The following CSMD1 variants were observed in gnomAD, a reference collection of about 807,000 sequenced individuals.
CSMD1 encodes CUB and sushi domain-containing protein 1.
A neutral mutation model predicts 417.5 loss-of-function variants in CSMD1; 213 were observed. The observed-to-expected ratio is 0.51, with a 90% CI of 0.46 to 0.57. CSMD1 has a LOEUF of 0.57. CSMD1 is among the 20% of genes least tolerant of loss of function. The pLI is 0.00. For synonymous variants in CSMD1, 2,862 were observed against 1,736.8 expected, an observed-to-expected ratio of 1.65 and a Z score of -16.11; for missense variants, 6,923 against 4,529.7, an observed-to-expected ratio of 1.53 and a Z score of -15.17.
At chr8:3,320,178 G>T (rs938090265) in intron 23 of CSMD1, among the ~76,000 whole-genome samples, 2 of 152,170 alleles carry the variant, frequency 1.3e-5, no homozygotes, top group Non-Finnish European at 2.9e-5. Flanking sequence ...ACAAAATAAT[G>T]ACGATTATAA....
intron 10 of CSMD1, among the ~76,000 whole-genome samples, chr8:3,494,424 G>C (rs1796274346): frequency 6.6e-6 from 1 of 152,070 alleles, no homozygotes; most frequent in Non-Finnish European, 1.5e-5. Flanking sequence ...GGAAGAAAAA[G>C]TTAGGCTAGA....
At chr8:4,901,357 G>C (rs945617135) in intron 1 of CSMD1, among the ~76,000 whole-genome samples, 1 of 152,194 alleles carries the variant, frequency 6.6e-6, no homozygotes, top group Non-Finnish European at 1.5e-5. Flanking sequence ...TAGAAGTGTA[G>C]TTATCTATAG....
chr8:4,665,858 T>C (rs946598203), intron 1 of CSMD1, among the ~76,000 whole-genome samples: 2 of 152,222 alleles, frequency 1.3e-5, no homozygotes, highest in African/African-American at 2.4e-5. Flanking sequence ...TTCATTTATC[T>C]TGAGTAATTA....
At chr8:4,171,784 T>C (rs938562049) in intron 3 of CSMD1, among the ~76,000 whole-genome samples, 1 of 152,206 alleles carries the variant, frequency 6.6e-6, no homozygotes, top group East Asian at 1.9e-4. Flanking sequence ...CAATCCAATT[T>C]ACTTGAGTAA....
At chr8:4,819,901 G>T (rs1379269241) in intron 1 of CSMD1, among the ~76,000 whole-genome samples, 1 of 151,982 alleles carries the variant, frequency 6.6e-6, no homozygotes, top group Non-Finnish European at 1.5e-5. Flanking sequence ...GACTTTGGGG[G>T]TGGGGAGAAC....
At chr8:3,578,185 T>A (rs1412620784) in intron 9 of CSMD1, among the ~76,000 whole-genome samples, 6 of 152,208 alleles carry the variant, frequency 3.9e-5, no homozygotes, top group Admixed American at 1.3e-4. Flanking sequence ...GTCTACCATA[T>A]GTTACGCTTT....
intron 8 of CSMD1, among the ~76,000 whole-genome samples, chr8:3,601,960 A>C (rs1432519548): frequency 4.6e-5 from 7 of 152,136 alleles, no homozygotes; most frequent in Non-Finnish European, 2.9e-5. Flanking sequence ...AGGAACAGGA[A>C]GTACAATGGT....
intron 10 of CSMD1, among the ~76,000 whole-genome samples, chr8:3,495,528 C>T (rs1796329491): frequency 6.6e-6 from 1 of 152,214 alleles, no homozygotes; most frequent in African/African-American, 2.4e-5. Flanking sequence ...TTCATCTCAA[C>T]AATCAGCAGG....
At chr8:3,179,179 T>C (rs985619969) in intron 37 of CSMD1, among the ~76,000 whole-genome samples, 7 of 151,766 alleles carry the variant, frequency 4.6e-5, no homozygotes, top group African/African-American at 1.5e-4. Context: ...TCTCCTGACC[T>C]CGTGATCTGC....
chr8:4,679,672 C>T (rs968411472), intron 1 of CSMD1, among the ~76,000 whole-genome samples: 2 of 152,028 alleles, frequency 1.3e-5, no homozygotes, highest in African/African-American at 4.8e-5. Flanking sequence ...GATCAAACAA[C>T]ATAACTATCT....
chr8:4,628,649 A>C (rs1370611579), intron 2 of CSMD1, among the ~76,000 whole-genome samples: 4 of 151,624 alleles, frequency 2.6e-5, no homozygotes, highest in Non-Finnish European at 5.9e-5. Context: ...CCTGCCAGGG[A>C]CACTAAAATG....
intron 3 of CSMD1, among the ~76,000 whole-genome samples, chr8:4,212,290 G>A (rs189026281): frequency 6.6e-6 from 1 of 151,310 alleles, no homozygotes; most frequent in Non-Finnish European, 1.5e-5. Flanking sequence ...TACAAACTTA[G>A]TCAAAACTAG....
chr8:3,381,293 C>A (rs375801657), intron 18 of CSMD1, among the ~76,000 whole-genome samples: 2 of 151,894 alleles, frequency 1.3e-5, no homozygotes, highest in Non-Finnish European at 2.9e-5. Flanking sequence ...GAGCAGCTTA[C>A]ACACACCCTA....
chr8:4,713,907 G>T (rs192126064), intron 1 of CSMD1, among the ~76,000 whole-genome samples: 1 of 152,252 alleles, frequency 6.6e-6, no homozygotes, highest in Non-Finnish European at 1.5e-5. Flanking sequence ...CTTGTGGGGA[G>T]GCCGAGGAGG....
intron 1 of CSMD1, among the ~76,000 whole-genome samples, chr8:4,720,506 C>T (rs1808983403): frequency 6.6e-6 from 1 of 152,112 alleles, no homozygotes. Context: ...TAACCTCTGC[C>T]TCCTGGGTTC....
chr8:4,352,241 A>G (rs1044390505), intron 3 of CSMD1, among the ~76,000 whole-genome samples: 2 of 152,186 alleles, frequency 1.3e-5, no homozygotes, highest in African/African-American at 4.8e-5. Flanking sequence ...GCACCAACAT[A>G]AGGTTCTAAA....
At chr8:4,822,694 A>G (rs1208042476) in intron 1 of CSMD1, among the ~76,000 whole-genome samples, 3 of 152,142 alleles carry the variant, frequency 2.0e-5, no homozygotes, top group Non-Finnish European at 4.4e-5. Context: ...AGCCATATAC[A>G]ATGTTGTCTC....
rs537148862 is a variant in CSMD1 at position 4,454,074 on chromosome 8, G to A, written c.303-34009C>T. Among the ~76,000 whole-genome samples the A allele has an allele frequency of 4.8e-4, 73 of 151,998 alleles. No individual in the cohort carries two copies. The East Asian group carries it at 9.3e-3, about 19-fold the overall frequency. On this transcript the variant is annotated intron_variant, in intron 2 of 69. Transcript: ENST00000635120. ...CCTGACCTCGTGATCCGCCCGCCTC[G>A]GCCTCCCTAAGTGCTGGGATTACAG...
chr8:4,230,742 C>G (rs997384939), intron 3 of CSMD1, among the ~76,000 whole-genome samples: 2 of 152,070 alleles, frequency 1.3e-5, no homozygotes, highest in African/African-American at 2.4e-5. Flanking sequence ...CGATTACAAG[C>G]TATTGAAATA....
Sources: gnomAD v4.1 joint callset for allele counts (sites outside exome capture counted in the v4.1 genomes callset) on GRCh38, gnomAD v4.1.1 for gene constraint, MANE v1.5 for transcripts, NCBI Gene and HGNC (gene_info 2026-07-23, HGNC 2026-07-21) for gene names.